GSE1: variants seen among roughly 807,000 people sequenced by gnomAD.
GSE1 encodes the protein genetic suppressor element 1.
In GSE1, 32 loss-of-function variants were observed where a neutral mutation model predicts 112.6. The ratio of observed to expected loss-of-function variants is 0.28; its 90% CI spans 0.21 to 0.38. The LOEUF is 0.38. Among genes scored for constraint, GSE1 ranks in the 10% least tolerant of loss-of-function variants. The probability of loss-of-function intolerance (pLI) is 1.00; values close to 1 mark genes in which losing one functional copy is unlikely to be tolerated. For missense variants in GSE1, 2,348 were observed against 1,699.2 expected (o/e 1.38, Z -6.71); for synonymous variants, 1,115 against 735.6 (o/e 1.52, Z -8.35).
At chr16:85,601,253 G>A (rs2047452380) in intron 1 of GSE1, among the ~76,000 whole-genome samples, 1 of 152,004 alleles carries the variant, frequency 6.6e-6, no homozygotes, top group Admixed American at 6.5e-5. Flanking sequence ...CCAGAGGCAG[G>A]CTGAGGGAGA....
chr16:85,507,235 T>C (rs1459050354), intron 2 of GSE1, among the ~76,000 whole-genome samples: 10 of 152,206 alleles, frequency 6.6e-5, no homozygotes, highest in Admixed American at 6.5e-4. Flanking sequence ...GCTTTTGTCT[T>C]CTCTGTCTGC....
At chr16:85,614,252 A>C (rs1040860232) in intron 1 of GSE1, among the ~76,000 whole-genome samples, 7 of 151,832 alleles carry the variant, frequency 4.6e-5, no homozygotes, top group Admixed American at 6.5e-5. Context: ...GGCCGCGCTG[A>C]TGGGCGGCGA....
chr16:85,408,274 T>C (rs150700206), intron 2 of GSE1, among the ~76,000 whole-genome samples: 154 of 274 alleles, frequency 0.56, 55 homozygotes, highest in Middle Eastern at 1. Flanking sequence ...GGATAATCCT[T>C]ACTGTTACAC....
intron 2 of GSE1, among the ~76,000 whole-genome samples, chr16:85,513,731 G>A (rs776154451): frequency 5.9e-5 from 9 of 152,096 alleles, no homozygotes; most frequent in Non-Finnish European, 1.0e-4. Flanking sequence ...AGGCCCCTGG[G>A]CCACTCCTTC....
At chr16:85,671,243 A>G in intron 15 of GSE1, 145 bp downstream of exon 15, 1 of 522,022 alleles carries the variant, frequency 1.9e-6, no homozygotes, top group Non-Finnish European at 3.4e-6. Flanking sequence ...GATCGAGACC[A>G]TCCCGGCTAA....
chr16:85,311,870 C>T lies in GSE1; in HGVS notation c.2284-45593C>T, dbSNP rs577977540. On this transcript the variant is annotated intron_variant, in intron 1 of 2. Coordinates refer to the GSE1 transcript ENST00000637419. The surrounding 1 kb of genome is among the most constrained non-coding windows in gnomAD (Gnocchi z 4.2). ...GAGTCCTTCTCACCCCAGACCCCAG[C>T]GTCTGTGTTTCATGAGGGTTGTGAA... Among the ~76,000 whole-genome samples the T allele has an allele frequency of 8.5e-4, 130 of 152,324 alleles. 1 individual carries two copies. The highest frequency in any genetic ancestry group is 7.9e-3 in the East Asian group (41 of 5,174).
At chr16:85,649,515 G>C (rs935667051) in intron 3 of GSE1, among the ~76,000 whole-genome samples, 1 of 152,188 alleles carries the variant, frequency 6.6e-6, no homozygotes, top group African/African-American at 2.4e-5. Context: ...TTATGTCTGT[G>C]GGCCCCTCGC....
chr16:85,263,367 G>A (rs1225536114), intron 1 of GSE1, among the ~76,000 whole-genome samples: 1 of 152,144 alleles, frequency 6.6e-6, no homozygotes, highest in African/African-American at 2.4e-5. Context: ...GGGGAATCAG[G>A]CTGCTGGCAG....
At chr16:85,369,874 C>T (rs1199669407) in intron 2 of GSE1, among the ~76,000 whole-genome samples, 1 of 152,222 alleles carries the variant, frequency 6.6e-6, no homozygotes, top group Non-Finnish European at 1.5e-5. Context: ...GGTCCCTCAG[C>T]CTCACGGTCA....
At chr16:85,383,268 A>G (rs2047600695) in intron 2 of GSE1, among the ~76,000 whole-genome samples, 1 of 151,988 alleles carries the variant, frequency 6.6e-6, no homozygotes, top group African/African-American at 2.4e-5. Context: ...ACTTGAGCAT[A>G]CACACAGTTC....
intron 1 of GSE1, among the ~76,000 whole-genome samples, chr16:85,571,028 G>T (rs1234848044): frequency 1.3e-5 from 2 of 152,208 alleles, no homozygotes; most frequent in Non-Finnish European, 2.9e-5. Context: ...GGTGGGGGAG[G>T]TGTGAAGAGG....
chr16:85,320,347 C>A (rs761476003), intron 1 of GSE1, among the ~76,000 whole-genome samples: 40 of 152,214 alleles, frequency 2.6e-4, no homozygotes, highest in Non-Finnish European at 5.1e-4. Context: ...TCCTCTGAGG[C>A]CAGGAGGTGT....
rs181185961 is a variant in GSE1, at chr16:85,502,096, G to C, written c.2465-131818G>C. Among the ~76,000 whole-genome samples the C allele has an allele frequency of 3.8e-3, 581 of 152,312 alleles. 5 individuals are homozygous for C. The highest frequency in any genetic ancestry group is 0.014 in the African/African-American group (564 of 41,574). On this transcript the variant is annotated intron_variant, in intron 2 of 2. Coordinates refer to the GSE1 transcript ENST00000637419. ...CACTCGATGGGGGTCCGTGGGAAGG[G>C]ACTGTGCTGGCTGCAGGCGCTGAGC...
chr16:85,616,992 A>T (rs1190240014), intron 1 of GSE1, among the ~76,000 whole-genome samples: 2 of 152,108 alleles, frequency 1.3e-5, no homozygotes, highest in African/African-American at 4.8e-5. Flanking sequence ...TGCAGCTCTG[A>T]TTCCCCACCA....
intron 2 of GSE1, among the ~76,000 whole-genome samples, chr16:85,642,067 C>T (rs1342596386): frequency 6.6e-6 from 1 of 152,272 alleles, no homozygotes. Flanking sequence ...GCCCAGCTGG[C>T]ATCGCCGTTG....
chr16:85,184,220 G>A (rs1244295502), intron 1 of GSE1, among the ~76,000 whole-genome samples: 1 of 152,208 alleles, frequency 6.6e-6, no homozygotes, highest in Non-Finnish European at 1.5e-5. Context: ...ACTCAGGCCT[G>A]TCTTTTTGTT....
At chr16:85,295,468 C>T (rs950127606) in intron 1 of GSE1, among the ~76,000 whole-genome samples, 2 of 152,264 alleles carry the variant, frequency 1.3e-5, no homozygotes, top group African/African-American at 4.8e-5. Context: ...CATCCACCGC[C>T]GATGGCCGTT....
At chr16:85,529,173 G>A (rs962340674) in intron 2 of GSE1, among the ~76,000 whole-genome samples, 31 of 152,094 alleles carry the variant, frequency 2.0e-4, no homozygotes, top group African/African-American at 6.8e-4. Flanking sequence ...GTGGTTAATC[G>A]TGTGTGGGAC....
At chr16:85,601,233 G>T (rs1239369673) in intron 1 of GSE1, among the ~76,000 whole-genome samples, 1 of 151,860 alleles carries the variant, frequency 6.6e-6, no homozygotes, top group East Asian at 1.9e-4. Context: ...TCTCAGAGGG[G>T]AAATAGACCC....
Sources: gnomAD v4.1 joint callset for allele counts (sites outside exome capture counted in the v4.1 genomes callset) on GRCh38, gnomAD v4.1.1 for gene constraint, Gnocchi (gnomAD v3.1) non-coding constraint, MANE v1.5 for transcripts, NCBI Gene and HGNC (gene_info 2026-07-23, HGNC 2026-07-21) for gene names.